The following LIMK1 variants were observed in gnomAD, a reference collection of about 807,000 sequenced individuals.
The protein encoded by LIMK1 is LIM motif-containing protein kinase.
A neutral mutation model predicts 77.6 loss-of-function variants in LIMK1; 21 were observed. That is an observed-to-expected ratio of 0.27 (90% CI 0.19 to 0.39). The LOEUF (loss-of-function observed/expected upper bound fraction) is 0.39. Ranked by LOEUF, LIMK1 falls within the 10% of genes least tolerant of loss-of-function variation. The pLI, the probability that LIMK1 is intolerant of heterozygous loss-of-function variation, is 1.00. For missense variants in LIMK1, 696 were observed against 901.6 expected, an observed-to-expected ratio of 0.77 and a Z score of 2.92; for synonymous variants, 358 against 370.0, an observed-to-expected ratio of 0.97 and a Z score of 0.37.
intron 1 of LIMK1, 113 bp downstream of exon 1, chr7:74,084,158 T>A: frequency 2.4e-6 from 1 of 414,224 alleles, no homozygotes; most frequent in Non-Finnish European, 4.3e-6. Flanking sequence ...TCCTCCGGGA[T>A]GAGCTCGTCC....
intron 5 of LIMK1, among the ~76,000 whole-genome samples, chr7:74,100,774 C>T (rs768032914): frequency 6.8e-5 from 10 of 147,174 alleles, no homozygotes; most frequent in African/African-American, 2.0e-4. Context: ...CTCGCTCTGT[C>T]GCCCAGGCTG....
intron 12 of LIMK1, 112 bp downstream of exon 12, chr7:74,112,110 T>C: frequency 1.2e-6 from 1 of 858,470 alleles, no homozygotes; most frequent in Non-Finnish European, 1.8e-6. Flanking sequence ...CCTCCATGAC[T>C]TCAATTTGAG....
At position 74,106,765 on chromosome 7, in the gene LIMK1, A is replaced by C. The variant is rs971702827; in HGVS notation, c.882-245A>C. On this transcript the variant is annotated intron_variant, in intron 7 of 15. Coordinates refer to ENST00000336180, the MANE Select transcript of LIMK1 (RefSeq NM_002314.4). ...ACAGTGTGAGACTCTGTCTCAAAAAAAAAGAGGATGACAGAGCAGGATCTG... is the reference window on the plus strand; with the variant it reads ...ACAGTGTGAGACTCTGTCTCAAAAACAAAGAGGATGACAGAGCAGGATCTG... Among the ~76,000 whole-genome samples the C allele has an allele frequency of 2.6e-5, 4 of 152,210 alleles. No homozygotes were observed. In the East Asian group the frequency reaches 7.7e-4, roughly 29 times the overall value.
chr7:74,098,166 G>A (rs1799373180), intron 4 of LIMK1, among the ~76,000 whole-genome samples: 1 of 152,150 alleles, frequency 6.6e-6, no homozygotes, highest in African/African-American at 2.4e-5. Flanking sequence ...AGGTCAGGCT[G>A]GATGAAAGCT....
In LIMK1 at chr7:74,106,213, C is replaced by T. The variant is rs200757294; in HGVS notation, c.851C>T (p.Ala284Val). 4.8e-5 allele frequency: 77 copies of T among 1,613,396 alleles called. No homozygotes were observed. Among genetic ancestry groups the T allele is most frequent in the East Asian group, 3.6e-4 (16 of 44,874 alleles). The change falls in exon 7 of 16, where the codon GCG becomes GTG. Residue 284 changes from alanine to valine, a missense_variant. Ala to Val is a moderately conservative substitution (Grantham distance 64). This residue lies in a region of LIMK1 where 438 missense variants were observed against 602.3 expected (regional missense o/e 0.73). Coordinates refer to ENST00000336180, the MANE Select transcript of LIMK1 (RefSeq NM_002314.4). ...SSPAYTPSGE[A>V]GSSARQKPVL... The stretch of plus-strand genomic sequence containing the variant: ...CCGGCTTATACTCCCAGCGGGGAGG[C>T]GGGCAGCTCTGCCCGGCAGAAACCT...
intron 13 of LIMK1, among the ~76,000 whole-genome samples, 185 bp from the exon 14 acceptor site, chr7:74,120,398 T>A (rs1799906515): frequency 6.6e-6 from 1 of 152,212 alleles, no homozygotes; most frequent in African/African-American, 2.4e-5. Flanking sequence ...CCCAAAGGCT[T>A]GCTCAGACCT....
intron 13 of LIMK1, among the ~76,000 whole-genome samples, chr7:74,118,730 G>T (rs1171318331): frequency 6.6e-6 from 1 of 151,912 alleles, no homozygotes; most frequent in South Asian, 2.1e-4. Context: ...TGCAGTGGGC[G>T]ACAGAGCAAG....
At position 74,121,399 on chromosome 7, in the gene LIMK1, C is replaced by T; in HGVS notation, c.*98C>T. The T allele has an allele frequency of 2.5e-6, 3 of 1,213,930 alleles. No individual in the cohort carries two copies. The highest frequency in any genetic ancestry group is 3.4e-6 in the Non-Finnish European group (3 of 891,562). 75.2% of individuals were successfully genotyped at this position (1,213,930 alleles called of 1,614,324 possible). ...GGCCCTCAGCTGGGACAGTGGGGAC[C>T]CAGGCTTCTCCTCAGAGCCAGGCCC... On this transcript the variant is annotated 3_prime_UTR_variant, in exon 16 of 16. Transcript: ENST00000336180.
chr7:74,094,960 C>T (rs558419405), intron 2 of LIMK1, among the ~76,000 whole-genome samples: 13 of 152,302 alleles, frequency 8.5e-5, no homozygotes, highest in Middle Eastern at 3.4e-3. Context: ...CCCCTTTACT[C>T]CCACCCCTTC....
At chr7:74,084,689 T>C (rs1181095057) in intron 1 of LIMK1, among the ~76,000 whole-genome samples, 3 of 152,074 alleles carry the variant, frequency 2.0e-5, no homozygotes, top group African/African-American at 7.2e-5. Context: ...GCATGACTCA[T>C]CCTAACCTCC....
At chr7:74,095,058 C>T (rs1269454841) in intron 2 of LIMK1, among the ~76,000 whole-genome samples, 1 of 152,210 alleles carries the variant, frequency 6.6e-6, no homozygotes, top group Non-Finnish European at 1.5e-5. Flanking sequence ...CCCTCCTCAA[C>T]CCCAGTTCCC....
intron 2 of LIMK1, among the ~76,000 whole-genome samples, chr7:74,089,964 G>A (rs1185374031): frequency 1.3e-5 from 2 of 152,132 alleles, no homozygotes; most frequent in Non-Finnish European, 2.9e-5. Flanking sequence ...CGTGTTACAG[G>A]ATGGGTGTAC....
rs782712791 is a variant in LIMK1, at chr7:74,111,633, C to T, written c.1285-15C>T. ...CCCCACCGGCCCCACCCTGGCCATT[C>T]TTTCTCCATCCCAGGACAGCCAGTA... is the stretch of plus-strand genomic sequence containing the variant. On this transcript the variant is annotated splice_polypyrimidine_tract_variant and intron_variant, in intron 10 of 15. Coordinates refer to ENST00000336180, the MANE Select transcript of LIMK1 (RefSeq NM_002314.4). 16 of 1,610,058 alleles carry T rather than the reference C, an allele frequency of 9.9e-6. No homozygotes were observed. In the East Asian group the frequency reaches 3.1e-4, roughly 31 times the overall value.
intron 3 of LIMK1, 125 bp downstream of exon 3, chr7:74,096,885 C>A: frequency 8.0e-7 from 1 of 1,248,516 alleles, no homozygotes; most frequent in Non-Finnish European, 1.1e-6. Context: ...GAGCTGCTTT[C>A]TGAGCCTGAC....
intron 2 of LIMK1, among the ~76,000 whole-genome samples, chr7:74,093,579 A>G (rs1554695107): frequency 6.6e-6 from 1 of 152,090 alleles, no homozygotes; most frequent in Non-Finnish European, 1.5e-5. Context: ...TCCTGTCATT[A>G]TGGAAGCCAC....
At chr7:74,086,253 C>G (rs1413003590) in intron 2 of LIMK1, among the ~76,000 whole-genome samples, 1 of 152,110 alleles carries the variant, frequency 6.6e-6, no homozygotes, top group Non-Finnish European at 1.5e-5. Context: ...CCATGTTAGC[C>G]AGGCTGGTCT....
At chr7:74,099,560 G>A (rs573625848) in intron 5 of LIMK1, among the ~76,000 whole-genome samples, 5 of 151,802 alleles carry the variant, frequency 3.3e-5, no homozygotes, top group South Asian at 2.1e-4. Flanking sequence ...GTGAAACCCC[G>A]TCTCTACTAA....
At chr7:74,109,724 A>G (rs1474702607) in intron 10 of LIMK1, 3 of 152,880 alleles carry the variant, frequency 2.0e-5, no homozygotes, top group African/African-American at 7.2e-5. Context: ...AGGTGCCTGT[A>G]GTCCCAGCTA....
At chr7:74,099,502 G>C (rs782297712) in intron 5 of LIMK1, among the ~76,000 whole-genome samples, 6 of 152,114 alleles carry the variant, frequency 3.9e-5, no homozygotes, top group Non-Finnish European at 8.8e-5. Context: ...AGGCCGAAGT[G>C]GGTGGATCAC....
Sources: gnomAD v4.1 joint callset for allele counts (sites outside exome capture counted in the v4.1 genomes callset) on GRCh38, gnomAD v4.1.1 for gene constraint, gnomAD v4.1.1 regional missense constraint, MANE v1.5 for transcripts, NCBI Gene and HGNC (gene_info 2026-07-23, HGNC 2026-07-21) for gene names.